Variants in PIK3C2G observed in about 807,000 individuals in gnomAD.
PIK3C2G encodes phosphatidylinositol-4-phosphate 3-kinase catalytic subunit type 2 gamma, also known as phosphatidylinositol 3-kinase C2 domain-containing subunit gamma.
Under a neutral mutation model 181.1 loss-of-function variants are expected in PIK3C2G, and 168 were observed. The observed-to-expected ratio is 0.93, with a 90% confidence interval of 0.82 to 1.05. PIK3C2G has a LOEUF of 1.05. Ranked by LOEUF, PIK3C2G falls within the 50% of genes least tolerant of loss-of-function variation. PIK3C2G has a pLI of 0.00. For synonymous variants in PIK3C2G, 573 were observed against 592.2 expected (o/e 0.97, Z 0.47); for missense variants, 1,869 against 1,732.8 (o/e 1.08, Z -1.40).
intron 12 of PIK3C2G, among the ~76,000 whole-genome samples, chr12:18,363,850 T>C (rs1325374276): frequency 6.6e-6 from 1 of 152,202 alleles, no homozygotes; most frequent in African/African-American, 2.4e-5. Flanking sequence ...AATTCTCGCA[T>C]ACCTCATGGC....
chr12:18,496,644 A>T lies in PIK3C2G; in HGVS notation c.2886+490A>T, dbSNP rs74068010. ...TTAATCCCACTGGAAAAACAGAGAA[A>T]AGGTAGTAACAGGTTTATAAGCACG... On this transcript the variant is annotated intron_variant, in intron 21 of 32. Transcript: ENST00000538779. Among the ~76,000 whole-genome samples, 928 of 152,262 alleles carry T rather than the reference A, an allele frequency of 6.1e-3. 9 individuals carry two copies. Among genetic ancestry groups the T allele is most frequent in the African/African-American group, 0.022 (897 of 41,560 alleles).
rs370679823 is a variant in PIK3C2G, at chr12:18,282,600, T to A, written c.519T>A (p.Ser173Arg). Residue 173 changes from serine to arginine, a missense_variant, in exon 2 of 33, where the codon AGT (serine) becomes AGA (arginine). Coordinates refer to ENST00000538779, the MANE Select transcript of PIK3C2G (RefSeq NM_001288772.2). ...ENHNYHIGFE[S>R]SIPPTNSSFS... The stretch of plus-strand genomic sequence containing the variant: ...ATAACTACCATATAGGATTTGAAAG[T>A]AGCATTCCTCCAACAAATTCATCCT... The A allele has an allele frequency of 6.2e-7, 1 of 1,613,154 alleles. No homozygotes were observed. The highest frequency in any genetic ancestry group is 1.1e-5 in the South Asian group (1 of 91,068).
the PIK3C2G span, chr12:18,683,191 T>C: frequency 6.7e-7 from 1 of 1,490,658 alleles, no homozygotes; most frequent in Non-Finnish European, 9.4e-7. Flanking sequence ...TCATTTTGGC[T>C]GTTTTATTGC....
chr12:18,683,535 A>G, the PIK3C2G span: 3 of 1,510,572 alleles, frequency 2.0e-6, no homozygotes, highest in African/African-American at 4.1e-5. Flanking sequence ...CTGAATACAC[A>G]GCTCATACTT....
the PIK3C2G span, among the ~76,000 whole-genome samples, chr12:18,699,475 C>T: frequency 5.0e-3 from 765 of 152,224 alleles, 2 homozygotes; most frequent in African/African-American, 0.017. Flanking sequence ...CCTTCTAATT[C>T]GGCTCTGCCT....
the PIK3C2G span, chr12:18,715,006 C>G: frequency 6.6e-6 from 1 of 151,770 alleles, no homozygotes; most frequent in Admixed American, 6.6e-5. Context: ...GAAAATGAAT[C>G]TTTTAGATTT....
intron 18 of PIK3C2G, among the ~76,000 whole-genome samples, chr12:18,459,187 T>A (rs914934441): frequency 3.9e-5 from 6 of 152,130 alleles, no homozygotes; most frequent in Admixed American, 3.3e-4. Flanking sequence ...CTGGAAATCA[T>A]AAGTTAAAAT....
At chr12:18,550,163 A>G (rs1944649315) in intron 26 of PIK3C2G, among the ~76,000 whole-genome samples, 1 of 152,216 alleles carries the variant, frequency 6.6e-6, no homozygotes, top group South Asian at 2.1e-4. Flanking sequence ...AGCACTATGA[A>G]CAATCTCTTA....
intron 1 of PIK3C2G, among the ~76,000 whole-genome samples, chr12:18,281,706 A>T (rs1949226098): frequency 6.6e-6 from 1 of 152,062 alleles, no homozygotes; most frequent in Admixed American, 6.6e-5. Context: ...TGATAAGTGG[A>T]TATTCAATAG....
At chr12:18,597,899 T>C (rs1947467493) in intron 30 of PIK3C2G, among the ~76,000 whole-genome samples, 1 of 152,144 alleles carries the variant, frequency 6.6e-6, no homozygotes, top group Non-Finnish European at 1.5e-5. Flanking sequence ...CCATTCACAA[T>C]TGCTTCAAAG....
At chr12:18,570,190 C>G (rs111453682) in intron 29 of PIK3C2G, among the ~76,000 whole-genome samples, 101 of 151,638 alleles carry the variant, frequency 6.7e-4, no homozygotes, top group African/African-American at 1.8e-3. Flanking sequence ...TGTAATACTT[C>G]TTTATCCATA....
intron 9 of PIK3C2G, among the ~76,000 whole-genome samples, chr12:18,341,295 A>G (rs1169520598): frequency 1.3e-5 from 2 of 152,170 alleles, no homozygotes; most frequent in African/African-American, 4.8e-5. Flanking sequence ...TGGGTATTTC[A>G]TAGGAAAGCC....
intron 16 of PIK3C2G, among the ~76,000 whole-genome samples, chr12:18,410,508 AAG>A (rs1427347641): frequency 5.5e-5 from 8 of 144,942 alleles, no homozygotes; most frequent in African/African-American, 2.1e-4. Flanking sequence ...CCATCTCAGA[AAG>A]AAAAAAAAAA....
Position 18,381,903 on chromosome 12 carries a change from A to G in PIK3C2G, c.1995+23A>G, listed in dbSNP as rs776564123. 1.1e-5 allele frequency: 15 copies of G among 1,335,444 alleles called. No individual in the cohort carries two copies. In the South Asian group the frequency reaches 1.8e-4, roughly 16 times the overall value. The allele number at this position is 1,335,444 out of a possible 1,614,324, so 82.7% of individuals were successfully genotyped here. On this transcript the variant is annotated intron_variant, in intron 14 of 32. Coordinates refer to ENST00000538779, the MANE Select transcript of PIK3C2G (RefSeq NM_001288772.2). ...CAGGTAAGTGCCAGGCTAAAAGATTAAAGTACACATGGCAAGTATTGGTTG... is the reference window on the plus strand; with the variant it reads ...CAGGTAAGTGCCAGGCTAAAAGATTGAAGTACACATGGCAAGTATTGGTTG...
At chr12:18,546,744 A>G (rs1341563734) in intron 26 of PIK3C2G, among the ~76,000 whole-genome samples, 2 of 152,060 alleles carry the variant, frequency 1.3e-5, no homozygotes, top group Admixed American at 6.6e-5. Context: ...AACTATGTCC[A>G]GAAAAACAAT....
chr12:18,290,869 A>G lies in PIK3C2G; in HGVS notation c.776A>G (p.Tyr259Cys). The G allele has an allele frequency of 1.2e-6, 2 of 1,601,372 alleles. No homozygotes were observed. The highest frequency in any genetic ancestry group is 1.7e-6 in the Non-Finnish European group (2 of 1,169,250). The change falls in exon 4 of 33, where the codon TAT becomes TGT. Residue 259 changes from tyrosine (Y) to cysteine (C), a missense_variant. Tyr to Cys is a radical substitution (Grantham distance 194, BLOSUM62 -2). Coordinates refer to ENST00000538779, the MANE Select transcript of PIK3C2G (RefSeq NM_001288772.2). Reference protein sequence around the residue: ...CNKVKKIRERYHAADVNFNSG... With the variant: ...CNKVKKIRERCHAADVNFNSG... ...ATGTTTTTCAGAATCAGAGAAAGAT[A>G]TCATGCAGCTGATGTTAATTTCAAT...
the PIK3C2G span, among the ~76,000 whole-genome samples, chr12:18,685,098 G>A: frequency 6.6e-6 from 1 of 152,136 alleles, no homozygotes; most frequent in South Asian, 2.1e-4. Flanking sequence ...TATGAAAATG[G>A]ACTAATACAG....
intron 14 of PIK3C2G, among the ~76,000 whole-genome samples, chr12:18,388,530 C>T (rs577748711): frequency 9.0e-4 from 137 of 152,354 alleles, no homozygotes; most frequent in African/African-American, 3.2e-3. Flanking sequence ...CTGCCTCAGT[C>T]TCCCAAAGTC....
intron 22 of PIK3C2G, among the ~76,000 whole-genome samples, chr12:18,501,647 A>G (rs1404032897): frequency 6.6e-6 from 1 of 152,254 alleles, no homozygotes; most frequent in Non-Finnish European, 1.5e-5. Context: ...GATATATACT[A>G]GCTTAAAATG....
Sources: gnomAD v4.1 joint callset for allele counts (sites outside exome capture counted in the v4.1 genomes callset) on GRCh38, gnomAD v4.1.1 for gene constraint, MANE v1.5 for transcripts, NCBI Gene and HGNC (gene_info 2026-07-23, HGNC 2026-07-21) for gene names.